The following SPOCK3 variants were observed in gnomAD, a reference collection of about 807,000 sequenced individuals.
SPOCK3 encodes the protein testican-3.
A neutral mutation model predicts 56.6 loss-of-function variants in SPOCK3; 30 were observed. The observed-to-expected ratio is 0.53, with a 90% CI of 0.40 to 0.72. The LOEUF is 0.72. SPOCK3 is among the 30% of genes least tolerant of loss of function. SPOCK3 has a pLI of 0.00. For synonymous variants in SPOCK3, 196 were observed against 183.3 expected, an observed-to-expected ratio of 1.07 and a Z score of -0.56; for missense variants, 527 against 530.0, an observed-to-expected ratio of 0.99 and a Z score of 0.06.
chr4:167,222,825 A>G (rs1736120185), intron 2 of SPOCK3, among the ~76,000 whole-genome samples: 1 of 127,966 alleles, frequency 7.8e-6, no homozygotes, highest in Non-Finnish European at 1.6e-5. Context: ...AAATATATAA[A>G]CATAGATATA....
At chr4:166,891,842 G>A (rs1560979078) in intron 5 of SPOCK3, among the ~76,000 whole-genome samples, 1 of 151,924 alleles carries the variant, frequency 6.6e-6, no homozygotes, top group Non-Finnish European at 1.5e-5. Flanking sequence ...GAGTGGTATA[G>A]GAGCAGACAA....
chr4:166,932,047 C>T (rs1739848094), intron 4 of SPOCK3, among the ~76,000 whole-genome samples: 1 of 152,116 alleles, frequency 6.6e-6, no homozygotes, highest in South Asian at 2.1e-4. Context: ...GACAGAAACA[C>T]AAATTTCAGT....
intron 2 of SPOCK3, among the ~76,000 whole-genome samples, chr4:167,171,428 C>G (rs374237456): frequency 6.6e-6 from 1 of 152,102 alleles, no homozygotes; most frequent in South Asian, 2.1e-4. Flanking sequence ...CAGCATGTAA[C>G]CCATTTCCCA....
intron 4 of SPOCK3, among the ~76,000 whole-genome samples, chr4:166,920,383 T>A (rs1738355116): frequency 1.3e-5 from 2 of 152,196 alleles, no homozygotes; most frequent in Non-Finnish European, 1.5e-5. Flanking sequence ...AATATCATAA[T>A]CTAGATTCTG....
intron 2 of SPOCK3, among the ~76,000 whole-genome samples, chr4:167,105,934 T>C (rs1196633156): frequency 2.6e-5 from 4 of 151,940 alleles, no homozygotes; most frequent in East Asian, 3.9e-4. Flanking sequence ...CAAGAGGATA[T>C]AACAATTGTA....
rs144913047 is a variant in SPOCK3, at chr4:166,734,975, A to C, written c.1248T>G (p.Asp416Glu). ...MNDEDEIEDDDEDEGDDDDGG... is the reference protein window; with the variant it reads ...MNDEDEIEDDEEDEGDDDDGG... ...CATCATCATCATCCCCTTCATCTTC[A>C]TCATCATCTTCAATTTCATCTTCAT... The change falls in exon 11 of 11, where the codon GAT becomes GAG. Residue 416 changes from aspartate (D) to glutamate (E), a missense_variant. Coordinates refer to ENST00000357545, the MANE Select transcript of SPOCK3 (RefSeq NM_001040159.2). 22 of 1,520,604 alleles carry C rather than the reference A, an allele frequency of 1.4e-5. No homozygotes were observed. Among genetic ancestry groups the C allele is most frequent in the Non-Finnish European group, 1.9e-5 (21 of 1,095,906 alleles). The allele number at this position is 1,520,604 out of a possible 1,614,324, so 94.2% of individuals were successfully genotyped here. A position where few individuals can be genotyped will look rare whatever the true frequency, so the allele number is the denominator to read the frequency against.
intron 3 of SPOCK3, among the ~76,000 whole-genome samples, chr4:167,037,446 C>T (rs997234594): frequency 4.7e-5 from 7 of 150,300 alleles, no homozygotes; most frequent in Non-Finnish European, 1.0e-4. Flanking sequence ...TGCACCACTG[C>T]ACTCCGGCCT....
intron 4 of SPOCK3, among the ~76,000 whole-genome samples, chr4:166,955,610 G>A (rs985740616): frequency 2.9e-5 from 4 of 136,412 alleles, no homozygotes; most frequent in Admixed American, 2.2e-4. Context: ...AATCAAATTA[G>A]ATTAAATTTA....
chr4:166,767,796 G>T (rs2126547983), intron 7 of SPOCK3, among the ~76,000 whole-genome samples: 1 of 152,244 alleles, frequency 6.6e-6, no homozygotes, highest in South Asian at 2.1e-4. Context: ...GGGTGTTAAA[G>T]TCTTCCATTA....
At chr4:166,948,134 G>A (rs1377060805) in intron 4 of SPOCK3, among the ~76,000 whole-genome samples, 2 of 152,014 alleles carry the variant, frequency 1.3e-5, no homozygotes, top group Non-Finnish European at 2.9e-5. Flanking sequence ...TCTGTGCCTG[G>A]CTTATTTCAC....
intron 5 of SPOCK3, among the ~76,000 whole-genome samples, chr4:166,900,276 C>G (rs903316555): frequency 6.6e-6 from 1 of 152,166 alleles, no homozygotes; most frequent in Admixed American, 6.6e-5. Context: ...AATGTGTTGG[C>G]CGGCAAGGTA....
chr4:166,847,680 T>TATATATATATATATATAA (rs1748245155), intron 6 of SPOCK3, among the ~76,000 whole-genome samples: 2 of 93,868 alleles, frequency 2.1e-5, no homozygotes, highest in African/African-American at 8.6e-5. Flanking sequence ...TATATATATA[T>TATATATATATATATATAA]AAGAATCATG....
chr4:167,162,598 C>T (rs1475393283), intron 2 of SPOCK3, among the ~76,000 whole-genome samples: 5 of 151,976 alleles, frequency 3.3e-5, no homozygotes, highest in Non-Finnish European at 5.9e-5. Flanking sequence ...CAGTGCTGCT[C>T]GAAGGTATAC....
intron 8 of SPOCK3, among the ~76,000 whole-genome samples, chr4:166,744,175 C>T (rs1185426057): frequency 2.0e-5 from 3 of 152,176 alleles, no homozygotes; most frequent in Non-Finnish European, 4.4e-5. Flanking sequence ...TCCCTGACCC[C>T]CGAGTAGCCT....
chr4:166,959,653 A>T (rs1579808480), intron 4 of SPOCK3, among the ~76,000 whole-genome samples: 1 of 152,134 alleles, frequency 6.6e-6, no homozygotes, highest in Non-Finnish European at 1.5e-5. Flanking sequence ...CAAGGACTAG[A>T]AAGGTAAGAG....
intron 3 of SPOCK3, among the ~76,000 whole-genome samples, chr4:167,000,868 T>C (rs1748881535): frequency 6.6e-6 from 1 of 152,046 alleles, no homozygotes; most frequent in Non-Finnish European, 1.5e-5. Flanking sequence ...GGTGGGTCAA[T>C]AAAAGGGACA....
intron 2 of SPOCK3, among the ~76,000 whole-genome samples, chr4:167,122,534 A>C (rs1761955832): frequency 6.6e-6 from 1 of 152,226 alleles, no homozygotes; most frequent in East Asian, 1.9e-4. Flanking sequence ...TTAGGGTTAC[A>C]ATACCTCAGT....
intron 8 of SPOCK3, among the ~76,000 whole-genome samples, chr4:166,745,743 C>T (rs1258476700): frequency 6.6e-6 from 1 of 152,114 alleles, no homozygotes; most frequent in Non-Finnish European, 1.5e-5. Context: ...TCAGGAGACC[C>T]ATCTCATGTG....
chr4:166,803,601 T>C (rs1202761323), intron 6 of SPOCK3, among the ~76,000 whole-genome samples: 3 of 152,204 alleles, frequency 2.0e-5, no homozygotes, highest in Non-Finnish European at 1.5e-5. Flanking sequence ...AATCAATGTA[T>C]GTCCTGAGGA....
Sources: allele counts gnomAD v4.1 joint callset (sites outside exome capture counted in the v4.1 genomes callset), GRCh38; gene constraint gnomAD v4.1.1; transcripts MANE v1.5; gene names NCBI Gene and HGNC (gene_info 2026-07-23, HGNC 2026-07-21).